The following MAGI1 variants were observed in gnomAD, a reference collection of about 807,000 sequenced individuals.
MAGI1 encodes the protein membrane associated guanylate kinase, WW and PDZ domain containing 1, also known as membrane-associated guanylate kinase, WW and PDZ domain-containing protein 1.
Under a neutral mutation model 139.9 loss-of-function variants are expected in MAGI1, and 58 were observed. The ratio of observed to expected loss-of-function variants is 0.41; its 90% CI spans 0.34 to 0.52. The LOEUF (loss-of-function observed/expected upper bound fraction) is 0.52, where lower values mean the gene tolerates loss of function less well. Among genes scored for constraint, MAGI1 ranks in the 20% least tolerant of loss-of-function variants. The pLI is 0.12. For missense variants in MAGI1, 1,874 were observed against 1,901.6 expected, an observed-to-expected ratio of 0.99 and a Z score of 0.27; for synonymous variants, 812 against 737.9, an observed-to-expected ratio of 1.10 and a Z score of -1.63.
intron 17 of MAGI1, among the ~76,000 whole-genome samples, chr3:65,377,735 C>T (rs1179807941): frequency 6.6e-6 from 1 of 152,208 alleles, no homozygotes; most frequent in Non-Finnish European, 1.5e-5. Context: ...GTCAGGTCAT[C>T]CATCCATGAC....
At position 65,354,767 on chromosome 3, in the gene MAGI1, T is replaced by C. The variant is rs1487308653; in HGVS notation, c.*1611A>G. The C allele has an allele frequency of 6.6e-6, 1 of 152,662 alleles. No homozygotes were observed. The highest frequency in any genetic ancestry group is 1.5e-5 in the Non-Finnish European group (1 of 68,040). 9.5% of individuals were successfully genotyped at this position (152,662 alleles called of 1,614,324 possible). A position where few individuals can be genotyped will look rare whatever the true frequency, so the allele number is the denominator to read the frequency against. ...TATCACATTCCTCACAGCTAAATTT[T>C]GTCATAAATTCTCTTTTATACAAGA... is the stretch of plus-strand genomic sequence containing the variant. On this transcript the variant is annotated 3_prime_UTR_variant, in exon 23 of 23. Transcript: ENST00000402939.
intron 1 of MAGI1, among the ~76,000 whole-genome samples, chr3:65,843,445 AT>A (rs2058878464): frequency 6.6e-6 from 1 of 152,228 alleles, no homozygotes; most frequent in Non-Finnish European, 1.5e-5. Flanking sequence ...TTACTGACCC[AT>A]AGAAACAAGG....
intron 22 of MAGI1, chr3:65,359,642 T>G: frequency 1.2e-5 from 12 of 991,172 alleles, no homozygotes; most frequent in Non-Finnish European, 1.4e-5. Flanking sequence ...ATAACCCATT[T>G]GTGACTCTAA....
At chr3:65,453,646 C>G (rs1326216255) in intron 5 of MAGI1, among the ~76,000 whole-genome samples, 3 of 151,958 alleles carry the variant, frequency 2.0e-5, no homozygotes, top group Non-Finnish European at 4.4e-5. Context: ...TACCATCTAC[C>G]CTTGTCTAGA....
intron 1 of MAGI1, among the ~76,000 whole-genome samples, chr3:65,650,039 A>G (rs1033486697): frequency 2.6e-5 from 4 of 152,200 alleles, no homozygotes; most frequent in Admixed American, 2.6e-4. Flanking sequence ...TTAATCCCCA[A>G]TGCAACAATG....
In MAGI1 at chr3:65,369,174, G is replaced by GT. The variant is rs1941738740; in HGVS notation, c.3197-4229dup. On this transcript the variant is annotated intron_variant, in intron 18 of 22. Coordinates refer to ENST00000402939, the MANE Select transcript of MAGI1 (RefSeq NM_001033057.2). ...CCCAAAGAGAATCAAAGCAATGAAG[G>GT]TAAGGACTCCCCCAACCTTGGCCTG... 2.6e-5 allele frequency among the ~76,000 whole-genome samples: 4 copies of GT among 152,252 alleles called. No individual in the cohort carries two copies. The South Asian group carries it at 8.3e-4, about 32-fold the overall frequency.
intron 2 of MAGI1, among the ~76,000 whole-genome samples, chr3:65,542,366 T>C (rs1191031194): frequency 1.3e-5 from 2 of 152,202 alleles, no homozygotes; most frequent in Non-Finnish European, 2.9e-5. Flanking sequence ...TTAGATTCAA[T>C]GCTATCCCCA....
At chr3:65,505,623 G>A (rs2077251337) in intron 2 of MAGI1, among the ~76,000 whole-genome samples, 1 of 140,408 alleles carries the variant, frequency 7.1e-6, no homozygotes. Context: ...CTCCAGCCTG[G>A]GCGACAAAGT....
At chr3:65,830,360 C>T (rs912369970) in intron 1 of MAGI1, among the ~76,000 whole-genome samples, 2 of 150,958 alleles carry the variant, frequency 1.3e-5, no homozygotes, top group Non-Finnish European at 3.0e-5. Context: ...AGAAAGAAAA[C>T]ATATAAAGTT....
At chr3:65,668,572 T>C (rs1043511003) in intron 1 of MAGI1, among the ~76,000 whole-genome samples, 9 of 141,734 alleles carry the variant, frequency 6.3e-5, no homozygotes, top group South Asian at 4.7e-4. Context: ...CTTTTTTTTT[T>C]TTTTTTTTTT....
chr3:65,898,295 T>G (rs1296433741), intron 1 of MAGI1, among the ~76,000 whole-genome samples: 1 of 152,228 alleles, frequency 6.6e-6, no homozygotes, highest in African/African-American at 2.4e-5. Context: ...ACTGAACACT[T>G]TAAATAAAAG....
chr3:65,838,877 C>T (rs539247123), intron 1 of MAGI1, among the ~76,000 whole-genome samples: 18 of 152,336 alleles, frequency 1.2e-4, no homozygotes, highest in African/African-American at 4.1e-4. Context: ...TCTGCATCCT[C>T]ACCAGGATTT....
In MAGI1 at chr3:65,757,483, C is replaced by T. The variant is rs557154511; in HGVS notation, c.314-135395G>A. ...CGAAATCCCATCTCTACTAAAAATA[C>T]AAAAATTAGCTGGGCACGGTGGTGC... On this transcript the variant is annotated intron_variant, in intron 1 of 22. Coordinates refer to ENST00000402939, the MANE Select transcript of MAGI1 (RefSeq NM_001033057.2). Among the ~76,000 whole-genome samples the T allele has an allele frequency of 1.1e-4, 16 of 152,206 alleles. 1 individual carries two copies. The highest frequency in any genetic ancestry group is 6.8e-3 in the Middle Eastern group (2 of 294).
intron 1 of MAGI1, among the ~76,000 whole-genome samples, chr3:65,912,234 C>A (rs1466171825): frequency 1.3e-5 from 1 of 78,582 alleles, no homozygotes; most frequent in African/African-American, 6.2e-5. Flanking sequence ...AAACTCTGAT[C>A]TCAAAAAAAA....
intron 3 of MAGI1, among the ~76,000 whole-genome samples, chr3:65,490,774 G>T (rs967968943): frequency 6.7e-6 from 1 of 148,848 alleles, no homozygotes; most frequent in African/African-American, 2.5e-5. Context: ...AACATGGGAG[G>T]GGGAGGGTGC....
intron 1 of MAGI1, among the ~76,000 whole-genome samples, chr3:65,673,981 G>A (rs971073): frequency 0.35 from 53,750 of 151,750 alleles, 9,886 homozygotes; most frequent in East Asian, 0.58. Flanking sequence ...GCATGTGCCT[G>A]TAGTCCCAGC....
chr3:65,899,631 C>A (rs896602323), intron 1 of MAGI1, among the ~76,000 whole-genome samples: 5 of 152,168 alleles, frequency 3.3e-5, no homozygotes, highest in African/African-American at 9.7e-5. Context: ...ACAGAAAGAA[C>A]AACTATGACC....
intron 1 of MAGI1, among the ~76,000 whole-genome samples, chr3:65,813,795 C>G (rs962933148): frequency 3.3e-5 from 5 of 152,126 alleles, no homozygotes; most frequent in Non-Finnish European, 5.9e-5. Flanking sequence ...TCTAAATGTT[C>G]CATATTAATG....
chr3:65,515,435 C>G (rs2107775342), intron 2 of MAGI1, among the ~76,000 whole-genome samples: 1 of 152,146 alleles, frequency 6.6e-6, no homozygotes, highest in East Asian at 1.9e-4. Context: ...AAAAAAGTGG[C>G]TTTCTAAATG....
Sources: gnomAD v4.1 joint callset for allele counts (sites outside exome capture counted in the v4.1 genomes callset) on GRCh38, gnomAD v4.1.1 for gene constraint, MANE v1.5 for transcripts, NCBI Gene and HGNC (gene_info 2026-07-23, HGNC 2026-07-21) for gene names.